Variants in ENTREP2 observed in about 807,000 individuals in gnomAD.
ENTREP2 encodes the protein protein ENTREP2.
At chr15:29,124,775 A>C in the ENTREP2 span, 2 of 1,549,050 alleles carry the variant, frequency 1.3e-6, no homozygotes, top group Non-Finnish European at 1.7e-6. Flanking sequence ...AACCAGAAGG[A>C]GAATTCAGTG....
chr15:29,132,841 G>A, the ENTREP2 span, among the ~76,000 whole-genome samples: 567 of 152,222 alleles, frequency 3.7e-3, 6 homozygotes, highest in African/African-American at 0.013. Flanking sequence ...GGTTCCTGTC[G>A]TCAGGAGGCA....
chr15:29,184,157 G>A, the ENTREP2 span, among the ~76,000 whole-genome samples: 1 of 152,076 alleles, frequency 6.6e-6, no homozygotes, highest in Admixed American at 6.5e-5. Context: ...GCTAATTTTT[G>A]TATTTTTAGT....
the ENTREP2 span, among the ~76,000 whole-genome samples, chr15:29,529,440 G>C: frequency 7.0e-3 from 1,057 of 152,062 alleles, 8 homozygotes; most frequent in African/African-American, 0.025. Flanking sequence ...TGGGCTGGAG[G>C]GGCTGTCATG....
At chr15:29,221,435 C>T in the ENTREP2 span, among the ~76,000 whole-genome samples, 2 of 152,242 alleles carry the variant, frequency 1.3e-5, no homozygotes, top group African/African-American at 4.8e-5. Flanking sequence ...CTCCTGACCT[C>T]ATGATCTGCC....
chr15:29,446,353 AG>A, the ENTREP2 span, among the ~76,000 whole-genome samples: 2 of 152,182 alleles, frequency 1.3e-5, no homozygotes, highest in Admixed American at 6.5e-5. Flanking sequence ...TAAAGAGGTG[AG>A]GGGGGAAGTC....
chr15:29,194,908 C>A, the ENTREP2 span, among the ~76,000 whole-genome samples: 3 of 152,140 alleles, frequency 2.0e-5, no homozygotes, highest in African/African-American at 7.2e-5. Flanking sequence ...CCAAATGCAT[C>A]CCCATACTCA....
chr15:29,654,964 G>A, the ENTREP2 span, among the ~76,000 whole-genome samples: 4 of 152,094 alleles, frequency 2.6e-5, no homozygotes, highest in Admixed American at 1.3e-4. Flanking sequence ...GGGGTACTTT[G>A]TATCTATTAG....
chr15:29,329,929 C>T, the ENTREP2 span, among the ~76,000 whole-genome samples: 18 of 152,274 alleles, frequency 1.2e-4, no homozygotes, highest in South Asian at 4.1e-4. Context: ...GTAGATACTC[C>T]GCCCTCAGGG....
the ENTREP2 span, among the ~76,000 whole-genome samples, chr15:29,627,540 T>TAAAA: frequency 3.3e-5 from 4 of 120,236 alleles, no homozygotes; most frequent in African/African-American, 1.2e-4. Flanking sequence ...AGACTCCATC[T>TAAAA]AAAAAAAAAA....
the ENTREP2 span, among the ~76,000 whole-genome samples, chr15:29,240,247 C>T: frequency 2.6e-5 from 4 of 151,972 alleles, no homozygotes; most frequent in African/African-American, 9.7e-5. Flanking sequence ...GCCTGTAATC[C>T]CAGATACTCA....
the ENTREP2 span, among the ~76,000 whole-genome samples, chr15:29,356,268 G>GTGTATATATATATA: frequency 1.7e-5 from 1 of 57,594 alleles, no homozygotes; most frequent in African/African-American, 8.6e-5. Context: ...GTGTGTGTGT[G>GTGTATATATATATA]TATATATATA....
the ENTREP2 span, among the ~76,000 whole-genome samples, chr15:29,524,899 T>G: frequency 1.3e-5 from 2 of 152,180 alleles, no homozygotes; most frequent in Non-Finnish European, 2.9e-5. Context: ...GGTTGCCCAC[T>G]CCCGGCTCGA....
the ENTREP2 span, among the ~76,000 whole-genome samples, chr15:29,264,033 T>G: frequency 2.0e-5 from 3 of 151,740 alleles, no homozygotes; most frequent in Non-Finnish European, 4.4e-5. Context: ...CGGGTGCCTG[T>G]AGTCCCAGCT....
At chr15:29,604,877 C>A in the ENTREP2 span, among the ~76,000 whole-genome samples, 5 of 152,124 alleles carry the variant, frequency 3.3e-5, no homozygotes, top group South Asian at 4.1e-4. Flanking sequence ...GAGCCCTTAC[C>A]GGCATCACGA....
At chr15:29,631,925 A>G in the ENTREP2 span, among the ~76,000 whole-genome samples, 1 of 152,222 alleles carries the variant, frequency 6.6e-6, no homozygotes, top group African/African-American at 2.4e-5. Context: ...TGGGCGGGGC[A>G]TAGGAGTCTA....
the ENTREP2 span, among the ~76,000 whole-genome samples, chr15:29,188,193 G>C: frequency 6.6e-6 from 1 of 152,160 alleles, no homozygotes; most frequent in Non-Finnish European, 1.5e-5. Context: ...GTCACTTCCT[G>C]AGTGACAGGG....
the ENTREP2 span, among the ~76,000 whole-genome samples, chr15:29,481,864 T>C: frequency 6.6e-6 from 1 of 152,182 alleles, no homozygotes; most frequent in Non-Finnish European, 1.5e-5. Context: ...ATTTAATTCA[T>C]ACATGTTATT....
the ENTREP2 span, among the ~76,000 whole-genome samples, chr15:29,553,012 T>C: frequency 6.6e-6 from 1 of 152,206 alleles, no homozygotes; most frequent in Non-Finnish European, 1.5e-5. Context: ...TACTGTAAAC[T>C]TGGCCGGGTG....
At chr15:29,444,053 G>A in the ENTREP2 span, among the ~76,000 whole-genome samples, 5 of 152,172 alleles carry the variant, frequency 3.3e-5, no homozygotes, top group East Asian at 1.9e-4. Flanking sequence ...GCAGTGAGCC[G>A]AGATCGCGCC....
Sources: allele counts gnomAD v4.1 joint callset (sites outside exome capture counted in the v4.1 genomes callset), GRCh38; gene constraint gnomAD v4.1.1; transcripts MANE v1.5; gene names NCBI Gene and HGNC (gene_info 2026-07-23, HGNC 2026-07-21).